The following TUBB8 variants were observed in gnomAD, a reference collection of about 807,000 sequenced individuals.
The protein encoded by TUBB8 is tubulin beta 8 class VIII, also known as tubulin beta-8 chain.
TUBB8 carries 25 observed loss-of-function variants against 33.7 expected under a neutral mutation model. The ratio of observed to expected loss-of-function variants is 0.74; its 90% CI spans 0.54 to 1.04. The LOEUF (loss-of-function observed/expected upper bound fraction) is 1.04, where lower values mean the gene tolerates loss of function less well. Among genes scored for constraint, TUBB8 ranks in the 50% least tolerant of loss-of-function variants. The probability of loss-of-function intolerance (pLI) is 0.00; values close to 1 mark genes in which losing one functional copy is unlikely to be tolerated. For missense variants in TUBB8, 279 were observed against 608.0 expected (o/e 0.46, Z 5.69); for synonymous variants, 245 against 240.1 (o/e 1.02, Z -0.19).
In TUBB8 at chr10:47,184, A is replaced by G. The variant is rs1834348349; in HGVS notation, c.1208T>C (p.Met403Thr). 1 of 1,610,144 alleles carries G rather than the reference A, an allele frequency of 6.2e-7. No individual in the cohort carries two copies. Among genetic ancestry groups the G allele is most frequent in the Non-Finnish European group, 8.5e-7 (1 of 1,178,086 alleles). The change falls in exon 4 of 4, where the codon ATG (methionine) becomes ACG (threonine). Residue 403 changes from methionine to threonine, a missense_variant. Met to Thr is a moderately conservative substitution (Grantham distance 81). Coordinates refer to ENST00000568584, the MANE Select transcript of TUBB8 (RefSeq NM_177987.3). ...GGCCTCGGTGAATTCCATCTCATCC[A>G]TGCCCTCGCCCGTGTACCAGTGGAG... ...AFLHWYTGEG[M>T]DEMEFTEAES... is the part of the protein sequence containing the mutation.
At chr10:63,162 C>T (rs1331276198) in intron 1 of TUBB8, among the ~76,000 whole-genome samples, 3 of 152,160 alleles carry the variant, frequency 2.0e-5, no homozygotes, top group Non-Finnish European at 4.4e-5. Context: ...CAAGCTCCGC[C>T]TCCTGGGTTC....
At chr10:50,041 A>T (rs1177850721), upstream of TUBB8, 10 of 154,032 alleles carry the variant, frequency 6.5e-5, no homozygotes, top group Non-Finnish European at 1.3e-4. Flanking sequence ...GTCAGTAAGC[A>T]TTAGCAAATA....
Position 49,215 on chromosome 10 carries a change from C to G in TUBB8, c.24G>C (p.Gln8His). 1 of 1,584,274 alleles carries G rather than the reference C, an allele frequency of 6.3e-7. No homozygotes were observed. Among genetic ancestry groups the G allele is most frequent in the Non-Finnish European group, 8.6e-7 (1 of 1,165,900 alleles). Reference protein sequence around the residue: MREIVLTQIGQCGNQIGA... With the variant: MREIVLTHIGQCGNQIGA... ...CGATCTGATTCCCGCACTGCCCGAT[C>G]TGCGTGAGCACGATCTCCCTCATGG... Residue 8 changes from glutamine (Q) to histidine (H), a missense_variant, in exon 1 of 4, where the codon CAG becomes CAC. Gln to His is a conservative substitution (Grantham distance 24). Coordinates refer to ENST00000568584, the MANE Select transcript of TUBB8 (RefSeq NM_177987.3).
At position 46,944 on chromosome 10, in the gene TUBB8, A is replaced by C. The variant is rs111958216; in HGVS notation, c.*113T>G. ...ACCGCATACTATAAAAATGCTTTAA[A>C]ACGCAGCAGGAGATGTGAAGACACA... On this transcript the variant is annotated 3_prime_UTR_variant, in exon 4 of 4. Transcript: ENST00000568584. 1 of 591,764 alleles carries C rather than the reference A, an allele frequency of 1.7e-6. No homozygotes were observed. The highest frequency in any genetic ancestry group is 2.8e-5 in the East Asian group (1 of 36,086). 36.7% of individuals were successfully genotyped at this position (591,764 alleles called of 1,614,324 possible).
rs576189530 is a variant in TUBB8 at position 48,241 on chromosome 10, G to C, written c.278-127C>G. 2.5e-3 allele frequency: 2,600 copies of C among 1,039,312 alleles called. 8 individuals are homozygous for C. In the African/African-American group the frequency reaches 0.037, roughly 15 times the overall value. 64.4% of individuals were successfully genotyped at this position (1,039,312 alleles called of 1,614,324 possible). A position where few individuals can be genotyped will look rare whatever the true frequency, so the allele number is the denominator to read the frequency against. The stretch of plus-strand genomic sequence containing the variant: ...CACCGTTCGCCCTGCAGGTGGAGCA[G>C]ATGAAACCCCCTCCCCCAGAGTTAC... On this transcript the variant is annotated intron_variant, in intron 3 of 3. Transcript: ENST00000568584.
rs1456332226 is a variant in TUBB8 at position 47,196 on chromosome 10, G to A, written c.1196C>T (p.Thr399Met). 8.7e-6 allele frequency: 14 copies of A among 1,612,254 alleles called. No homozygotes were observed. Among genetic ancestry groups the A allele is most frequent in the Middle Eastern group, 1.9e-4 (1 of 5,248 alleles). ...TTCCATCTCATCCATGCCCTCGCCC[G>A]TGTACCAGTGGAGGAAGGCCTTGCG... ...FRRKAFLHWY[T>M]GEGMDEMEFT... Residue 399 changes from threonine (T) to methionine (M), a missense_variant, in exon 4 of 4, where the codon ACG (threonine) becomes ATG (methionine). Thr to Met is a moderately conservative substitution (Grantham distance 81, BLOSUM62 -1). Coordinates refer to ENST00000568584, the MANE Select transcript of TUBB8 (RefSeq NM_177987.3).
At position 48,823 on chromosome 10, in the gene TUBB8, C is replaced by T. The variant is rs781975937; in HGVS notation, c.147G>A (p.Val49=). The T allele has an allele frequency of 1.4e-5, 22 of 1,609,080 alleles. No individual in the cohort carries two copies. In the East Asian group the frequency reaches 4.5e-4, roughly 33 times the overall value. The stretch of plus-strand genomic sequence containing the variant: ...TCTCACCGCTGGCCTCGTTGTAGTA[C>T]ACGTTGATGCGCTCCAGCTGCAGGT... ...DSHLQLERIN[V]YYNEASGGRY... is the part of the protein sequence containing the mutation. Residue 49 remains valine (V), a synonymous_variant, in exon 2 of 4, where the codon GTG becomes GTA. Coordinates refer to ENST00000568584, the MANE Select transcript of TUBB8 (RefSeq NM_177987.3).
upstream of TUBB8, among the ~76,000 whole-genome samples, chr10:52,825 C>A (rs1834485556): frequency 6.6e-6 from 1 of 152,222 alleles, no homozygotes; most frequent in African/African-American, 2.4e-5. Context: ...TTGTGAGTAC[C>A]TAGCTACTCA....
chr10:67,790 T>C (rs1366771802), intron 1 of TUBB8, among the ~76,000 whole-genome samples: 2 of 152,192 alleles, frequency 1.3e-5, no homozygotes, highest in Non-Finnish European at 2.9e-5. Flanking sequence ...TGATTGTTTT[T>C]TGAGAGAGTC....
At position 70,482 on chromosome 10, in the gene TUBB8, T is replaced by C. The variant is rs554722467; in HGVS notation, c.-846+3487A>G. ...CAGATATTTTTTAAAATATTATTGA[T>C]GGAAACAAACCGCAGAAATAAATAG... On this transcript the variant is annotated intron_variant, in intron 1 of 3. Transcript: ENST00000564130. Among the ~76,000 whole-genome samples, 155 of 152,026 alleles carry C rather than the reference T, an allele frequency of 1.0e-3. No individual in the cohort carries two copies. In the South Asian group the frequency reaches 0.013, roughly 13 times the overall value.
At chr10:74,510 C>T (rs1197478974), upstream of TUBB8, among the ~76,000 whole-genome samples, 36 of 151,370 alleles carry the variant, frequency 2.4e-4, no homozygotes, top group Non-Finnish European at 2.9e-5. Context: ...GCCTGTAGTC[C>T]CAGCTACTCT....
At chr10:46,804 C>T (rs1834334046), downstream of TUBB8, 13 of 424,664 alleles carry the variant, frequency 3.1e-5, no homozygotes, top group South Asian at 3.2e-4. Flanking sequence ...GTGATGAACC[C>T]AGACAGCTTC....
At chr10:75,912 G>T (rs1157894783), upstream of TUBB8, among the ~76,000 whole-genome samples, 2 of 151,910 alleles carry the variant, frequency 1.3e-5, no homozygotes. Context: ...GCTAAGGCGG[G>T]TGGATTTCCT....
intron 1 of TUBB8, among the ~76,000 whole-genome samples, chr10:58,109 C>A (rs1389002514): frequency 1.3e-5 from 2 of 152,210 alleles, no homozygotes; most frequent in Non-Finnish European, 2.9e-5. Context: ...TTTTATATAT[C>A]CCTAGGGCAT....
Position 49,219 on chromosome 10 carries a change from G to A in TUBB8, c.20C>T (p.Thr7Met), listed in dbSNP as rs1554739056. MREIVL[T>M]QIGQCGNQIG... is the part of the protein sequence containing the mutation. ...CTGATTCCCGCACTGCCCGATCTGC[G>A]TGAGCACGATCTCCCTCATGGCCAA... Residue 7 changes from threonine to methionine, a missense_variant, in exon 1 of 4, where the codon ACG becomes ATG. Coordinates refer to ENST00000568584, the MANE Select transcript of TUBB8 (RefSeq NM_177987.3). 5 of 1,584,764 alleles carry A rather than the reference G, an allele frequency of 3.2e-6. No homozygotes were observed. In the South Asian group the frequency reaches 4.6e-5, roughly 15 times the overall value.
intron 1 of TUBB8, among the ~76,000 whole-genome samples, chr10:61,831 T>C (rs1451486136): frequency 1.3e-5 from 2 of 152,240 alleles, no homozygotes; most frequent in Non-Finnish European, 2.9e-5. Flanking sequence ...TTGATCTCTT[T>C]ATTATTATAT....
chr10:66,878 CGGGA>C (rs1834677897), intron 1 of TUBB8, among the ~76,000 whole-genome samples: 1 of 150,714 alleles, frequency 6.6e-6, no homozygotes, highest in African/African-American at 2.4e-5. Context: ...GAGGCTGAGG[CGGGA>C]GGATCACTTG....
chr10:50,404 C>T (rs1834451671), upstream of TUBB8, among the ~76,000 whole-genome samples: 1 of 152,212 alleles, frequency 6.6e-6, no homozygotes, highest in South Asian at 2.1e-4. Flanking sequence ...CATTTTCGTT[C>T]TTCTTCAGGG....
chr10:70,968 C>T (rs1554742235), intron 1 of TUBB8, among the ~76,000 whole-genome samples: 1 of 152,114 alleles, frequency 6.6e-6, no homozygotes, highest in East Asian at 1.9e-4. Flanking sequence ...TTTAAATACA[C>T]CGATTAGCAT....
Sources: allele counts gnomAD v4.1 joint callset (sites outside exome capture counted in the v4.1 genomes callset), GRCh38; gene constraint gnomAD v4.1.1; transcripts MANE v1.5; gene names NCBI Gene and HGNC (gene_info 2026-07-23, HGNC 2026-07-21).